Variants in CNR1 observed in about 807,000 individuals in gnomAD.
CNR1 encodes the protein cannabinoid receptor 1.
Under a neutral mutation model 23.0 loss-of-function variants are expected in CNR1, and 10 were observed. That is an observed-to-expected ratio of 0.43 (90% CI 0.27 to 0.74). The LOEUF (loss-of-function observed/expected upper bound fraction) is 0.74, where lower values mean the gene tolerates loss of function less well. Among genes scored for constraint, CNR1 ranks in the 30% least tolerant of loss-of-function variants. CNR1 has a pLI of 0.19. For synonymous variants in CNR1, 271 were observed against 255.2 expected (o/e 1.06, Z -0.59); for missense variants, 422 against 618.8 (o/e 0.68, Z 3.37).
At chr6:88,165,592 A>C (rs1337756986) in intron 1 of CNR1, among the ~76,000 whole-genome samples, 1 of 152,222 alleles carries the variant, frequency 6.6e-6, no homozygotes, top group East Asian at 1.9e-4. Context: ...AGGTGCACAC[A>C]CATTCAATAA....
At chr6:88,148,532 A>C (rs1318153433) in intron 1 of CNR1, among the ~76,000 whole-genome samples, 1 of 152,200 alleles carries the variant, frequency 6.6e-6, no homozygotes, top group African/African-American at 2.4e-5. Context: ...AAGAAGGGGA[A>C]GGATTCTCCC....
Position 88,141,812 on chromosome 6 carries a change from G to A in CNR1, c.*2044C>T, listed in dbSNP as rs1776838310. On this transcript the variant is annotated 3_prime_UTR_variant, in exon 2 of 2. Transcript: ENST00000369501. ...GCCTTAGAGCGTGAACCGTAAGAAG[G>A]GGAACTGCCCCATCAGGCTGCTTGG... 1.3e-5 allele frequency: 2 copies of A among 152,368 alleles called. No homozygotes were observed. Among genetic ancestry groups the A allele is most frequent in the Admixed American group, 1.3e-4 (2 of 15,268 alleles). The allele number at this position is 152,368 out of a possible 1,614,324, so 9.4% of individuals were successfully genotyped here. A position where few individuals can be genotyped will look rare whatever the true frequency, so the allele number is the denominator to read the frequency against.
intron 1 of CNR1, among the ~76,000 whole-genome samples, chr6:88,149,067 C>T (rs1349292071): frequency 1.3e-5 from 2 of 152,304 alleles, no homozygotes; most frequent in African/African-American, 2.4e-5. Flanking sequence ...GAGGCAGGAG[C>T]TCTAAGGTAC....
rs1347860777 is a variant in CNR1, at chr6:88,145,011, GGAC to G, written c.261_263del (p.Ser88del). On this transcript the variant is annotated inframe_deletion, in exon 2 of 2. Coordinates refer to ENST00000369501, the MANE Select transcript of CNR1 (RefSeq NM_016083.6). ...GGATGTTCTCCTCATTCTCCTTGAA[GGAC>G]GAGAGAGACTTGTTGTAAAATTCTG... 1 of 1,614,092 alleles carries G rather than the reference GGAC, an allele frequency of 6.2e-7. No homozygotes were observed. Among genetic ancestry groups the G allele is most frequent in the Admixed American group, 1.7e-5 (1 of 60,026 alleles).
Position 88,142,679 on chromosome 6 carries a change from T to C in CNR1, c.*1177A>G, listed in dbSNP as rs1422528244. 2.0e-5 allele frequency: 3 copies of C among 152,526 alleles called. No homozygotes were observed. The highest frequency in any genetic ancestry group is 7.2e-5 in the African/African-American group (3 of 41,406). 9.4% of individuals were successfully genotyped at this position (152,526 alleles called of 1,614,324 possible). Reference sequence around the variant, plus strand: ...TAGAAACTGAATCCATGTGCAAGAGTGCAGCAAGTGGTAAAAGTTTATACT... The same window carrying C: ...TAGAAACTGAATCCATGTGCAAGAGCGCAGCAAGTGGTAAAAGTTTATACT... On this transcript the variant is annotated 3_prime_UTR_variant, in exon 2 of 2. Transcript: ENST00000369501.
At position 88,144,882 on chromosome 6, in the gene CNR1, G is replaced by C. The variant is rs1292784370; in HGVS notation, c.393C>G (p.Val131=). The change falls in exon 2 of 2, where the codon GTC becomes GTG. Residue 131 remains valine, a synonymous_variant. Transcript: ENST00000369501. This position sits in a 1 kb window ranked among gnomAD's most constrained non-coding sequence, Gnocchi z 7.8. ...VLSLTLGTFT[V]LENLLVLCVI... ...CGCACAGCACCAGGAGGTTCTCCAG[G>C]ACCGTGAAGGTGCCCAGCGTGAGGG... 6.2e-7 allele frequency: 1 copy of C among 1,614,220 alleles called. No homozygotes were observed. Among genetic ancestry groups the C allele is most frequent in the East Asian group, 2.2e-5 (1 of 44,876 alleles).
At chr6:88,151,951 T>G (rs1189834501) in intron 1 of CNR1, among the ~76,000 whole-genome samples, 1 of 152,152 alleles carries the variant, frequency 6.6e-6, no homozygotes, top group Non-Finnish European at 1.5e-5. Flanking sequence ...AGATGTTAAG[T>G]AAATTGCCTA....
In CNR1 at chr6:88,147,920, A is replaced by G. The variant is rs117107790; in HGVS notation, c.-63-2583T>C. On this transcript the variant is annotated intron_variant, in intron 1 of 1. Transcript: ENST00000369501. ...TTCCATCCAGCTGAGCTCCTTTCCA[A>G]TTCTGACCCTCAGGCTCTTGTCCTT... is the stretch of plus-strand genomic sequence containing the variant. 778 of 152,400 alleles carry G rather than the reference A, an allele frequency of 5.1e-3. 7 individuals carry two copies. Among genetic ancestry groups the G allele is most frequent in the Middle Eastern group, 0.02 (6 of 294 alleles). The allele number at this position is 152,400 out of a possible 1,614,324, so 9.4% of individuals were successfully genotyped here. A position where few individuals can be genotyped will look rare whatever the true frequency, so the allele number is the denominator to read the frequency against.
Position 88,144,155 on chromosome 6 carries a change from G to A in CNR1, c.1120C>T (p.Leu374Phe), listed in dbSNP as rs1321146874. 8.1e-6 allele frequency: 13 copies of A among 1,613,942 alleles called. No homozygotes were observed. The South Asian group carries it at 1.3e-4, about 16-fold the overall frequency. Residue 374 changes from leucine (L) to phenylalanine (F), a missense_variant, in exon 2 of 2, where the codon CTC becomes TTC. Leu to Phe is a conservative substitution (Grantham distance 22). Coordinates refer to ENST00000369501, the MANE Select transcript of CNR1 (RefSeq NM_016083.6). The surrounding 1 kb of genome is among the most constrained non-coding windows in gnomAD (Gnocchi z 7.8). ...VYDVFGKMNK[L>F]IKTVFAFCSM... ...CAGAATGCAAACACCGTCTTAATGA[G>A]CTTGTTCATCTTCCCAAAGACATCA...
At chr6:88,146,454 T>G (rs1777191540) in intron 1 of CNR1, among the ~76,000 whole-genome samples, 1 of 152,038 alleles carries the variant, frequency 6.6e-6, no homozygotes. Context: ...CTCCTGATAG[T>G]CCCCTTCATG....
At chr6:88,154,266 C>A (rs540877931) in intron 1 of CNR1, among the ~76,000 whole-genome samples, 1 of 152,244 alleles carries the variant, frequency 6.6e-6, no homozygotes, top group East Asian at 1.9e-4. Context: ...GTGTAGTAGA[C>A]TGTACTTCTG....
At chr6:88,154,106 T>C (rs1019564920) in intron 1 of CNR1, among the ~76,000 whole-genome samples, 1 of 152,254 alleles carries the variant, frequency 6.6e-6, no homozygotes, top group East Asian at 1.9e-4. Flanking sequence ...TTGGCTCTCA[T>C]ACCTTCAGTT....
intron 1 of CNR1, 62 bp from the exon 2 acceptor site, chr6:88,145,399 A>G: frequency 1.3e-6 from 1 of 796,880 alleles, no homozygotes. Context: ...AAACAAAGAG[A>G]CACTGTAAAT....
chr6:88,141,683 C>T lies in CNR1; in HGVS notation c.*2173G>A, dbSNP rs1279501473. On this transcript the variant is annotated 3_prime_UTR_variant, in exon 2 of 2. Transcript: ENST00000369501. ...GAGATCTTACTAATCCTCTAGCACC[C>T]TGAGCCTTCATCTGCACATGACAGA... is the stretch of plus-strand genomic sequence containing the variant. 1 of 152,368 alleles carries T rather than the reference C, an allele frequency of 6.6e-6. No individual in the cohort carries two copies. Among genetic ancestry groups the T allele is most frequent in the Non-Finnish European group, 1.5e-5 (1 of 68,058 alleles). The allele number at this position is 152,368 out of a possible 1,614,324, so 9.4% of individuals were successfully genotyped here.
At chr6:88,157,530 G>A (rs1183218025) in intron 1 of CNR1, among the ~76,000 whole-genome samples, 9 of 152,040 alleles carry the variant, frequency 5.9e-5, no homozygotes, top group Admixed American at 2.0e-4. Context: ...ACTTTTCTGA[G>A]GCAAAAGGGC....
At chr6:88,156,847 C>G (rs1358370653) in intron 1 of CNR1, among the ~76,000 whole-genome samples, 1 of 152,226 alleles carries the variant, frequency 6.6e-6, no homozygotes, top group Admixed American at 6.5e-5. Flanking sequence ...GCCAGCTGAT[C>G]ATGAGGGCAT....
At chr6:88,158,488 C>T (rs1434856066) in intron 1 of CNR1, among the ~76,000 whole-genome samples, 5 of 152,134 alleles carry the variant, frequency 3.3e-5, no homozygotes, top group Non-Finnish European at 5.9e-5. Context: ...GTCTATAGGT[C>T]ATTGGCTCTC....
chr6:88,144,681 G>A lies in CNR1; in HGVS notation c.594C>T (p.Ala198=), dbSNP rs759331129. Residue 198 remains alanine (A), a synonymous_variant, in exon 2 of 2, where the codon GCC becomes GCT. Transcript: ENST00000369501. The surrounding 1 kb of genome is among the most constrained non-coding windows in gnomAD (Gnocchi z 7.8). ...GGCTGCCCACGGAGGCAGTGAAGGA[G>A]GCCGTGACCCCACCCAGTTTGAACA... ...VFLFKLGGVT[A]SFTASVGSLF... 6.2e-6 allele frequency: 10 copies of A among 1,614,204 alleles called. No homozygotes were observed. Among genetic ancestry groups the A allele is most frequent in the Middle Eastern group, 1.6e-4 (1 of 6,062 alleles).
At chr6:88,150,205 A>T (rs956365147) in intron 1 of CNR1, among the ~76,000 whole-genome samples, 4 of 152,086 alleles carry the variant, frequency 2.6e-5, no homozygotes, top group African/African-American at 9.7e-5. Context: ...CTCCCCCTTT[A>T]CACTTTCCAA....
Sources: gnomAD v4.1 joint callset for allele counts (sites outside exome capture counted in the v4.1 genomes callset) on GRCh38, gnomAD v4.1.1 for gene constraint, Gnocchi (gnomAD v3.1) non-coding constraint, MANE v1.5 for transcripts, NCBI Gene and HGNC (gene_info 2026-07-23, HGNC 2026-07-21) for gene names.